The following ANKRD26 variants were observed in gnomAD, a reference collection of about 807,000 sequenced individuals.
ANKRD26 encodes ankyrin repeat domain 26, also known as ankyrin repeat domain-containing protein 26.
In ANKRD26, 141 loss-of-function variants were observed where a neutral mutation model predicts 208.7. The observed-to-expected ratio is 0.68, with a 90% CI of 0.59 to 0.78. ANKRD26 has a LOEUF of 0.78. ANKRD26 is among the 30% of genes least tolerant of loss of function. The probability of loss-of-function intolerance (pLI) is 0.00; values close to 1 mark genes in which losing one functional copy is unlikely to be tolerated. For missense variants in ANKRD26, 1,889 were observed against 1,938.7 expected, an observed-to-expected ratio of 0.97 and a Z score of 0.48; for synonymous variants, 636 against 660.4, an observed-to-expected ratio of 0.96 and a Z score of 0.57.
intron 28 of ANKRD26, among the ~76,000 whole-genome samples, chr10:27,023,979 T>TACACACACACACACACACACACACACAC (rs59987738): frequency 1.6e-4 from 23 of 142,254 alleles, no homozygotes; most frequent in East Asian, 4.1e-4. Context: ...ATTTTATTAC[T>TACACACACACACACACACACACACACAC]ACACACACAC....
intron 16 of ANKRD26, among the ~76,000 whole-genome samples, chr10:27,050,219 C>CAAAAAAAAAAAAAA (rs67384671): frequency 1.8e-3 from 59 of 33,024 alleles, no homozygotes; most frequent in East Asian, 3.6e-3. Context: ...GAATCTGTCT[C>CAAAAAAAAAAAAAA]AAAAAAAAAA....
chr10:26,971,473 G>A (rs11015437), downstream of ANKRD26, among the ~76,000 whole-genome samples: 1 of 151,958 alleles, frequency 6.6e-6, no homozygotes, highest in Non-Finnish European at 1.5e-5. Context: ...TCAGGAGTTC[G>A]AGACCAGTCT....
chr10:27,029,003 A>T (rs2053773619), intron 26 of ANKRD26, 58 bp from the exon 27 acceptor site: 2 of 1,390,026 alleles, frequency 1.4e-6, no homozygotes, highest in South Asian at 2.6e-5. Flanking sequence ...AATACTGTGT[A>T]ATTTCTTAGC....
downstream of ANKRD26, among the ~76,000 whole-genome samples, chr10:26,973,296 T>A (rs2052176423): frequency 6.6e-6 from 1 of 152,206 alleles, no homozygotes; most frequent in Non-Finnish European, 1.5e-5. Context: ...TAGGTATATA[T>A]AAGTTTAGAT....
In ANKRD26 at chr10:27,046,356, CCTTCATCCTCATCTATTTCACTTAAA is replaced by C; in HGVS notation, c.1956_1981del (p.Ser652ArgfsTer5). 6.2e-7 allele frequency: 1 copy of C among 1,613,876 alleles called. No homozygotes were observed. Among genetic ancestry groups the C allele is most frequent in the Non-Finnish European group, 8.5e-7 (1 of 1,179,906 alleles). On this transcript the variant is annotated frameshift_variant, in exon 18 of 34. Coordinates refer to ENST00000376087, the MANE Select transcript of ANKRD26 (RefSeq NM_014915.3). LOFTEE classifies it high-confidence loss of function. ...ATAAAGAAATCATAGATTTTACCTT[CCTTCATCCTCATCTATTTCACTTAAA>C]CTGCTGTCATCATCCACTTGTAGCA...
At chr10:27,084,961 T>C (rs1348120008) in intron 5 of ANKRD26, among the ~76,000 whole-genome samples, 2 of 152,034 alleles carry the variant, frequency 1.3e-5, no homozygotes, top group African/African-American at 2.4e-5. Context: ...ACTTTCATTA[T>C]AATTTGTTGA....
intron 6 of ANKRD26, chr10:27,080,537 A>G: frequency 1.4e-6 from 1 of 733,528 alleles, no homozygotes; most frequent in Non-Finnish European, 1.7e-6. Flanking sequence ...AAATCTTTAC[A>G]GGCACTCAGA....
At chr10:26,995,094 G>C (rs1465232369) in exon 5 of ANKRD26, 1 of 471,060 alleles carries the variant, frequency 2.1e-6, no homozygotes, top group African/African-American at 2.0e-5. Context: ...TCCTGGAAGT[G>C]AGACATTGGT....
chr10:26,979,317 T>C (rs978153677), intron 5 of ANKRD26, among the ~76,000 whole-genome samples: 9 of 152,208 alleles, frequency 5.9e-5, no homozygotes, highest in African/African-American at 2.2e-4. Context: ...CTTGATGCCT[T>C]GACCAAAAAA....
rs1176568236 is a variant in ANKRD26, at chr10:26,975,870, AAAT to A, written c.*451_*453del. On this transcript the variant is annotated 3_prime_UTR_variant and NMD_transcript_variant, in exon 6 of 6. Coordinates refer to the ANKRD26 transcript ENST00000674670. ...ATAAATAAATAAATAATAAATAAATAAATAAATAATAAATAAATGACAACTTAC... is the reference window on the plus strand; with the variant it reads ...ATAAATAAATAAATAATAAATAAATAAAATAATAAATAAATGACAACTTAC... Among the ~76,000 whole-genome samples the A allele has an allele frequency of 5.3e-5, 8 of 151,598 alleles. No individual in the cohort carries two copies. The East Asian group carries it at 9.7e-4, about 18-fold the overall frequency.
In ANKRD26 at chr10:27,034,919, T is replaced by A; in HGVS notation, c.3531A>T (p.Lys1177Asn). The change falls in exon 24 of 34, where the codon AAA becomes AAT. Residue 1177 changes from lysine to asparagine, a missense_variant. By Grantham distance (94) the Lys-to-Asn change is moderately conservative (BLOSUM62 0). This residue lies in a region of ANKRD26 where 613 missense variants were observed against 648.2 expected (regional missense o/e 0.95). Transcript: ENST00000376087. Reference sequence around the variant, plus strand: ...TTTGCTTTTCACTCTCAGCTTGAAGTTTTTGCACAATAGCATGAAACTGGT... The same window carrying A: ...TTTGCTTTTCACTCTCAGCTTGAAGATTTTGCACAATAGCATGAAACTGGT... ...IQDQFHAIVQKLQAESEKQSL... is the reference protein window; with the variant it reads ...IQDQFHAIVQNLQAESEKQSL... The A allele has an allele frequency of 6.2e-7, 1 of 1,613,976 alleles. No homozygotes were observed. Among genetic ancestry groups the A allele is most frequent in the Non-Finnish European group, 8.5e-7 (1 of 1,179,916 alleles).
At chr10:27,037,134 T>C in intron 23 of ANKRD26, 52 bp downstream of exon 23, 6 of 1,579,112 alleles carry the variant, frequency 3.8e-6, no homozygotes, top group East Asian at 2.2e-5. Context: ...TATATACACA[T>C]ATAAATACAT....
rs115039594 is a variant in ANKRD26 at position 27,095,212 on chromosome 10, T to C, written c.243-1413A>G. Among the ~76,000 whole-genome samples the C allele has an allele frequency of 6.8e-3, 1,029 of 152,300 alleles. 11 individuals are homozygous for C. The highest frequency in any genetic ancestry group is 0.023 in the African/African-American group (974 of 41,556). The stretch of plus-strand genomic sequence containing the variant: ...CAAGAAACTTCAACACAAAAGAAAC[T>C]CAGGATTCAAATGAATAGGTTGGCT... On this transcript the variant is annotated intron_variant, in intron 1 of 33. Coordinates refer to ENST00000376087, the MANE Select transcript of ANKRD26 (RefSeq NM_014915.3).
chr10:27,090,287 A>G (rs2056258539), intron 4 of ANKRD26, among the ~76,000 whole-genome samples: 1 of 152,102 alleles, frequency 6.6e-6, no homozygotes, highest in South Asian at 2.1e-4. Flanking sequence ...CTCTACTAAA[A>G]ATACAAAAAT....
At chr10:26,980,058 T>C (rs566315742) in intron 5 of ANKRD26, among the ~76,000 whole-genome samples, 2 of 152,340 alleles carry the variant, frequency 1.3e-5, no homozygotes, top group East Asian at 3.9e-4. Flanking sequence ...TCTGGTCTGT[T>C]TTGAAAGTTT....
the ANKRD26 span, among the ~76,000 whole-genome samples, chr10:26,953,948 G>A: frequency 6.6e-6 from 1 of 152,162 alleles, no homozygotes; most frequent in Non-Finnish European, 1.5e-5. Context: ...CTACCAATGT[G>A]AGAGCATCAT....
chr10:27,089,572 G>C (rs2056229959), intron 4 of ANKRD26, among the ~76,000 whole-genome samples: 2 of 152,194 alleles, frequency 1.3e-5, no homozygotes, highest in African/African-American at 4.8e-5. Flanking sequence ...TTGATGGATT[G>C]CTTGAGCCTA....
downstream of ANKRD26, among the ~76,000 whole-genome samples, chr10:26,972,253 A>T (rs117975492): frequency 0.017 from 2,577 of 150,660 alleles, 135 homozygotes; most frequent in East Asian, 0.15. Context: ...AAAAAAAAAG[A>T]AAATTATAGT....
At chr10:27,065,859 CTTTTTTTTTTTT>C (rs767106612) in intron 11 of ANKRD26, among the ~76,000 whole-genome samples, 6 of 72,960 alleles carry the variant, frequency 8.2e-5, no homozygotes, top group East Asian at 4.6e-4. Context: ...ATAATTCTTT[CTTTTTTTTTTTT>C]TTTTTTTTTT....
Sources: allele counts gnomAD v4.1 joint callset (sites outside exome capture counted in the v4.1 genomes callset), GRCh38; gene constraint gnomAD v4.1.1; regional missense constraint gnomAD v4.1.1; transcripts MANE v1.5; gene names NCBI Gene and HGNC (gene_info 2026-07-23, HGNC 2026-07-21).